Variants in PSMB2 observed in about 807,000 individuals in gnomAD.
PSMB2 encodes the protein proteasome 20S subunit beta 2, also known as proteasome subunit beta type-2.
Under a neutral mutation model 25.7 loss-of-function variants are expected in PSMB2, and 13 were observed. That is an observed-to-expected ratio of 0.51 (90% CI 0.33 to 0.80). The LOEUF (loss-of-function observed/expected upper bound fraction) is 0.80, where lower values mean the gene tolerates loss of function less well. PSMB2 is among the 30% of genes least tolerant of loss of function. The pLI, the probability that PSMB2 is intolerant of heterozygous loss-of-function variation, is 0.02. For missense variants in PSMB2, 202 were observed against 259.0 expected, an observed-to-expected ratio of 0.78 and a Z score of 1.51; for synonymous variants, 87 against 96.2, an observed-to-expected ratio of 0.90 and a Z score of 0.56.
rs1280900783 is a variant in PSMB2 at position 35,602,865 on chromosome 1, A to C, written c.*402T>G. 1.1e-6 allele frequency: 1 copy of C among 906,878 alleles called. No individual in the cohort carries two copies. The highest frequency in any genetic ancestry group is 1.3e-6 in the Non-Finnish European group (1 of 754,570). 56.2% of individuals were successfully genotyped at this position (906,878 alleles called of 1,614,324 possible). On this transcript the variant is annotated 3_prime_UTR_variant, in exon 6 of 6. Transcript: ENST00000373237. ...GTTACATTAAGTGCATGTATTATTA[A>C]TTCAGGTTAATTAATTTAAAAATTT...
chr1:35,635,606 A>G lies in PSMB2; in HGVS notation c.214+704T>C, dbSNP rs916492348. Among the ~76,000 whole-genome samples, 11 of 152,212 alleles carry G rather than the reference A, an allele frequency of 7.2e-5. No homozygotes were observed. In the Middle Eastern group the frequency reaches 0.01, roughly 141 times the overall value. ...AGCACTTTGGGAGGCCGAGGTGGGC[A>G]GATCACAAGGTCAAGAGATGGAGAC... is the stretch of plus-strand genomic sequence containing the variant. On this transcript the variant is annotated intron_variant, in intron 2 of 5. Transcript: ENST00000373237.
chr1:35,618,477 C>T lies in PSMB2; in HGVS notation c.286-9069G>A, dbSNP rs566948813. On this transcript the variant is annotated intron_variant, in intron 3 of 5. Coordinates refer to ENST00000373237, the MANE Select transcript of PSMB2 (RefSeq NM_002794.5). The stretch of plus-strand genomic sequence containing the variant: ...AGTAAAGAAAATGATTACAACGGGA[C>T]ACTATGGCAAAGGTATACCTAAGTT... Among the ~76,000 whole-genome samples the T allele has an allele frequency of 2.0e-3, 296 of 150,874 alleles. 1 individual carries two copies. Among genetic ancestry groups the T allele is most frequent in the Non-Finnish European group, 3.8e-3 (258 of 67,862 alleles).
intron 3 of PSMB2, among the ~76,000 whole-genome samples, chr1:35,630,195 T>A (rs7532183): frequency 0.038 from 5,857 of 152,176 alleles, 355 homozygotes; most frequent in African/African-American, 0.12. Context: ...AAAATAAAAA[T>A]AATCTGAATT....
intron 3 of PSMB2, among the ~76,000 whole-genome samples, chr1:35,615,568 G>A (rs1650469959): frequency 6.6e-6 from 1 of 152,238 alleles, no homozygotes; most frequent in South Asian, 2.1e-4. Context: ...AACAAAATCA[G>A]CGACAAGAGT....
Position 35,605,297 on chromosome 1 carries a change from A to G in PSMB2, c.449-15T>C. ...ACGTGAGATAGCTGAAAGAGAACAC[A>G]GAGACCAAATACTTCCGGTGCTGTC... On this transcript the variant is annotated splice_polypyrimidine_tract_variant and intron_variant, in intron 4 of 5. Coordinates refer to ENST00000373237, the MANE Select transcript of PSMB2 (RefSeq NM_002794.5). 1.2e-6 allele frequency: 2 copies of G among 1,611,396 alleles called. No individual in the cohort carries two copies. Among genetic ancestry groups the G allele is most frequent in the Non-Finnish European group, 1.7e-6 (2 of 1,178,404 alleles).
Position 35,631,585 on chromosome 1 carries a change from A to G in PSMB2, c.215-241T>C, listed in dbSNP as rs563499269. ...CAGAACCAGTTCTATAGTGGAATGAAACTTCTAGCAGCCTTGCTTAAACTA... is the reference window on the plus strand; with the variant it reads ...CAGAACCAGTTCTATAGTGGAATGAGACTTCTAGCAGCCTTGCTTAAACTA... On this transcript the variant is annotated intron_variant, in intron 2 of 5. Transcript: ENST00000373237. 79 of 1,055,614 alleles carry G rather than the reference A, an allele frequency of 7.5e-5. No individual in the cohort carries two copies. The Admixed American group carries it at 2.4e-3, about 32-fold the overall frequency. The allele number at this position is 1,055,614 out of a possible 1,614,324, so 65.4% of individuals were successfully genotyped here. A position where few individuals can be genotyped will look rare whatever the true frequency, so the allele number is the denominator to read the frequency against.
chr1:35,609,198 G>A (rs747136020), intron 4 of PSMB2, 48 bp downstream of exon 4: 21 of 1,425,662 alleles, frequency 1.5e-5, no homozygotes, highest in Non-Finnish European at 1.9e-5. Flanking sequence ...GGAAGCAGCT[G>A]AGGGCAGGGC....
At position 35,601,533 on chromosome 1, in the gene PSMB2, T is replaced by C; in HGVS notation, c.*1734A>G. The C allele has an allele frequency of 1.0e-6, 1 of 985,386 alleles. No homozygotes were observed. The highest frequency in any genetic ancestry group is 4.7e-5 in the South Asian group (1 of 21,286). 61.0% of individuals were successfully genotyped at this position (985,386 alleles called of 1,614,324 possible). A position where few individuals can be genotyped will look rare whatever the true frequency, so the allele number is the denominator to read the frequency against. ...TCAATGATTAGCTTTCTTCTTATGGTGTAAGGCATTTATCATTGGCGTATT... is the reference window on the plus strand; with the variant it reads ...TCAATGATTAGCTTTCTTCTTATGGCGTAAGGCATTTATCATTGGCGTATT... On this transcript the variant is annotated 3_prime_UTR_variant, in exon 6 of 6. Transcript: ENST00000373237.
intron 3 of PSMB2, among the ~76,000 whole-genome samples, chr1:35,628,595 AAATATATATATATATAT>A (rs1403346337): frequency 0.012 from 147 of 12,056 alleles, 1 homozygote; most frequent in East Asian, 0.019. Context: ...AAAAAAAAAA[AAATATATATATATATAT>A]ATATATATAT....
At chr1:35,612,339 T>C (rs1262187959) in intron 3 of PSMB2, among the ~76,000 whole-genome samples, 2 of 151,946 alleles carry the variant, frequency 1.3e-5, no homozygotes, top group Non-Finnish European at 2.9e-5. Context: ...CTTTCTCCTT[T>C]CTATCTTCTA....
intron 4 of PSMB2, among the ~76,000 whole-genome samples, chr1:35,607,426 C>A (rs1557447039): frequency 6.6e-6 from 1 of 152,182 alleles, no homozygotes; most frequent in Non-Finnish European, 1.5e-5. Context: ...GGAAAAAATT[C>A]TCAACATCAC....
chr1:35,620,099 G>C (rs1434429112), intron 3 of PSMB2, among the ~76,000 whole-genome samples: 1 of 152,186 alleles, frequency 6.6e-6, no homozygotes, highest in Non-Finnish European at 1.5e-5. Context: ...AGTTGTGCAT[G>C]CTAAGCATGC....
intron 3 of PSMB2, among the ~76,000 whole-genome samples, chr1:35,620,400 T>C (rs1650644811): frequency 6.6e-6 from 1 of 152,268 alleles, no homozygotes; most frequent in Middle Eastern, 3.4e-3. Flanking sequence ...TTTCCCCAAA[T>C]GCTCCATCAA....
At chr1:35,628,632 T>TATATATA (rs1491503087) in intron 3 of PSMB2, among the ~76,000 whole-genome samples, 51 of 35,444 alleles carry the variant, frequency 1.4e-3, no homozygotes, top group Non-Finnish European at 1.7e-3. Flanking sequence ...TATATATATA[T>TATATATA]TTTTTTTTTT....
chr1:35,632,301 C>T (rs1651129057), intron 2 of PSMB2, among the ~76,000 whole-genome samples: 1 of 152,194 alleles, frequency 6.6e-6, no homozygotes, highest in Non-Finnish European at 1.5e-5. Context: ...TGTAATAACG[C>T]ATTCACTTTG....
At chr1:35,623,719 G>A (rs1021480203) in intron 3 of PSMB2, among the ~76,000 whole-genome samples, 1 of 152,230 alleles carries the variant, frequency 6.6e-6, no homozygotes, top group African/African-American at 2.4e-5. Context: ...TAGAGAAGAT[G>A]AGGCCTCAAG....
At chr1:35,616,529 T>A (rs904274155) in intron 3 of PSMB2, among the ~76,000 whole-genome samples, 1 of 152,216 alleles carries the variant, frequency 6.6e-6, no homozygotes, top group Non-Finnish European at 1.5e-5. Flanking sequence ...GCTTCCCAAG[T>A]AGCTGGGACT....
At chr1:35,615,305 T>C (rs1434350852) in intron 3 of PSMB2, among the ~76,000 whole-genome samples, 2 of 152,258 alleles carry the variant, frequency 1.3e-5, no homozygotes, top group African/African-American at 2.4e-5. Context: ...TAAAAACTTC[T>C]GAGCATCTGA....
chr1:35,616,676 A>ATCCTTAAGCAG (rs1650498698), intron 3 of PSMB2, among the ~76,000 whole-genome samples: 2 of 152,236 alleles, frequency 1.3e-5, no homozygotes, highest in African/African-American at 4.8e-5. Flanking sequence ...ATAGATTACC[A>ATCCTTAAGCAG]ACACCTTAAC....
Sources: allele counts gnomAD v4.1 joint callset (sites outside exome capture counted in the v4.1 genomes callset), GRCh38; gene constraint gnomAD v4.1.1; transcripts MANE v1.5; gene names NCBI Gene and HGNC (gene_info 2026-07-23, HGNC 2026-07-21).